BLTP1: variants seen among roughly 807,000 people sequenced by gnomAD.
BLTP1 encodes bridge-like lipid transfer protein family member 1.
the BLTP1 span, chr4:122,206,130 A>G: frequency 1.1e-6 from 1 of 888,904 alleles, no homozygotes; most frequent in Non-Finnish European, 1.3e-6. Flanking sequence ...ATGAACAAAT[A>G]TGATTGATTA....
the BLTP1 span, among the ~76,000 whole-genome samples, chr4:122,228,066 A>T: frequency 6.6e-6 from 1 of 151,166 alleles, no homozygotes; most frequent in Non-Finnish European, 1.5e-5. Flanking sequence ...GGCGCCCACC[A>T]CCACGCCCGG....
the BLTP1 span, among the ~76,000 whole-genome samples, chr4:122,283,654 G>A: frequency 1.3e-5 from 2 of 152,112 alleles, no homozygotes; most frequent in Non-Finnish European, 2.9e-5. Flanking sequence ...CTATAGGCAT[G>A]CACCACCACA....
chr4:122,331,542 G>GT, the BLTP1 span: 1 of 1,608,594 alleles, frequency 6.2e-7, no homozygotes, highest in Non-Finnish European at 8.5e-7. Context: ...GTTTGAGAAG[G>GT]TAAGAAATTG....
At chr4:122,315,574 T>C in the BLTP1 span, 1 of 1,614,104 alleles carries the variant, frequency 6.2e-7, no homozygotes, top group Non-Finnish European at 8.5e-7. Context: ...GCAATACTCT[T>C]ACAACACTGA....
the BLTP1 span, chr4:122,198,042 T>C: frequency 5.1e-6 from 5 of 985,286 alleles, no homozygotes; most frequent in Non-Finnish European, 6.0e-6. Context: ...CATTTTTGTG[T>C]AATTCTTAGC....
the BLTP1 span, chr4:122,334,576 T>A: frequency 2.5e-6 from 4 of 1,594,508 alleles, no homozygotes; most frequent in Non-Finnish European, 2.6e-6. Context: ...TTATTTTTTG[T>A]CATTTTAAAA....
the BLTP1 span, chr4:122,270,411 A>T: frequency 3.2e-6 from 3 of 941,328 alleles, no homozygotes; most frequent in Middle Eastern, 5.4e-4. Context: ...TAGAAATTTG[A>T]GATATTTTTG....
the BLTP1 span, chr4:122,289,950 C>T: frequency 1.8e-5 from 5 of 270,782 alleles, no homozygotes; most frequent in South Asian, 2.8e-4. Flanking sequence ...GAAAAGGCTT[C>T]TCAGAAGAAG....
At chr4:122,198,139 T>C in the BLTP1 span, 1 of 984,858 alleles carries the variant, frequency 1.0e-6, no homozygotes. Flanking sequence ...TTATGTAAAG[T>C]GGTAGCATTC....
At chr4:122,226,095 CA>C in the BLTP1 span, 3 of 151,476 alleles carry the variant, frequency 2.0e-5, no homozygotes, top group African/African-American at 7.3e-5. Context: ...TTATATTTTC[CA>C]AGAGTTTAAA....
At chr4:122,254,533 T>G in the BLTP1 span, 153 of 940,402 alleles carry the variant, frequency 1.6e-4, no homozygotes, top group Non-Finnish European at 1.8e-4. Flanking sequence ...CCAATTTCTT[T>G]CATAGTACTT....
chr4:122,253,505 T>C, the BLTP1 span, among the ~76,000 whole-genome samples: 1 of 151,888 alleles, frequency 6.6e-6, no homozygotes, highest in Non-Finnish European at 1.5e-5. Context: ...CCAAGTGACA[T>C]AGTGAAGAAT....
chr4:122,230,867 T>C, the BLTP1 span, among the ~76,000 whole-genome samples: 1 of 152,164 alleles, frequency 6.6e-6, no homozygotes. Context: ...ATATGAAATT[T>C]TATCTCCAGG....
the BLTP1 span, chr4:122,208,987 A>T: frequency 5.9e-3 from 393 of 66,770 alleles, 3 homozygotes; most frequent in African/African-American, 0.13. Flanking sequence ...GAGACCATTA[A>T]AAAAAAAAAA....
chr4:122,196,904 TCCCTTG>T, the BLTP1 span: 3 of 538,378 alleles, frequency 5.6e-6, no homozygotes, highest in Non-Finnish European at 9.1e-6. Context: ...TGAGCTGTTT[TCCCTTG>T]AAATAATTTT....
At chr4:122,235,835 G>C in the BLTP1 span, among the ~76,000 whole-genome samples, 1 of 152,060 alleles carries the variant, frequency 6.6e-6, no homozygotes, top group Non-Finnish European at 1.5e-5. Flanking sequence ...AATCTTTAGC[G>C]TAACTCTGCA....
the BLTP1 span, among the ~76,000 whole-genome samples, chr4:122,223,315 C>T: frequency 1.3e-5 from 2 of 152,084 alleles, no homozygotes; most frequent in African/African-American, 4.8e-5. Flanking sequence ...TGTGAGATAG[C>T]CTAGACATAC....
the BLTP1 span, chr4:122,238,225 C>G: frequency 6.2e-7 from 1 of 1,613,678 alleles, no homozygotes; most frequent in Non-Finnish European, 8.5e-7. Context: ...CAGAAGAGAA[C>G]AGTAGTTCTA....
chr4:122,361,297 T>C, the BLTP1 span, among the ~76,000 whole-genome samples: 1 of 152,122 alleles, frequency 6.6e-6, no homozygotes, highest in African/African-American at 2.4e-5. Flanking sequence ...TGGTCCTACC[T>C]GCAGGGCATC....
Sources: allele counts gnomAD v4.1 joint callset (sites outside exome capture counted in the v4.1 genomes callset), GRCh38; gene constraint gnomAD v4.1.1; transcripts MANE v1.5; gene names NCBI Gene and HGNC (gene_info 2026-07-23, HGNC 2026-07-21).